The following SLC1A2 variants were observed in gnomAD, a reference collection of about 807,000 sequenced individuals.
SLC1A2 encodes excitatory amino acid transporter 2.
A neutral mutation model predicts 48.8 loss-of-function variants in SLC1A2; 15 were observed. That is an observed-to-expected ratio of 0.31 (90% CI 0.21 to 0.47). The LOEUF (loss-of-function observed/expected upper bound fraction) is 0.47, where lower values mean the gene tolerates loss of function less well. Ranked by LOEUF, SLC1A2 falls within the 20% of genes least tolerant of loss-of-function variation. The pLI, the probability that SLC1A2 is intolerant of heterozygous loss-of-function variation, is 0.99. For synonymous variants in SLC1A2, 279 were observed against 272.6 expected (o/e 1.02, Z -0.23); for missense variants, 502 against 730.5 (o/e 0.69, Z 3.61).
chr11:35,267,584 A>G (rs1188513225), intron 9 of SLC1A2, among the ~76,000 whole-genome samples: 1 of 152,144 alleles, frequency 6.6e-6, no homozygotes, highest in East Asian at 1.9e-4. Flanking sequence ...CATTAACCCT[A>G]TTTAATAGCA....
At chr11:35,384,947 T>G (rs1262091694) in intron 1 of SLC1A2, among the ~76,000 whole-genome samples, 4 of 152,244 alleles carry the variant, frequency 2.6e-5, no homozygotes, top group African/African-American at 9.6e-5. Context: ...AGTAACCATC[T>G]GCCTAAATAT....
intron 1 of SLC1A2, among the ~76,000 whole-genome samples, chr11:35,372,892 T>C (rs1426020841): frequency 1.3e-5 from 2 of 152,230 alleles, no homozygotes; most frequent in African/African-American, 4.8e-5. Flanking sequence ...GTGAGGTTGG[T>C]ATTTTTAAGG....
chr11:35,373,572 G>A (rs567115309), intron 1 of SLC1A2, among the ~76,000 whole-genome samples: 3 of 152,284 alleles, frequency 2.0e-5, no homozygotes, highest in Admixed American at 6.5e-5. Context: ...AAGTGGGAAC[G>A]CAGGAAAGAC....
At position 35,262,953 on chromosome 11, in the gene SLC1A2, C is replaced by T. The variant is rs566981779; in HGVS notation, c.1654-1988G>A. Reference sequence around the variant, plus strand: ...GAGCCACTATCTCTATGGAACTGTCCAGCAAAAAGGTTACCTAAAACACAG... The same window carrying T: ...GAGCCACTATCTCTATGGAACTGTCTAGCAAAAAGGTTACCTAAAACACAG... On this transcript the variant is annotated intron_variant, in intron 10 of 10. Coordinates refer to ENST00000278379, the MANE Select transcript of SLC1A2 (RefSeq NM_004171.4). Among the ~76,000 whole-genome samples the T allele has an allele frequency of 6.6e-5, 10 of 152,192 alleles. No individual in the cohort carries two copies. In the Middle Eastern group the frequency reaches 0.01, roughly 155 times the overall value.
intron 1 of SLC1A2, among the ~76,000 whole-genome samples, chr11:35,339,491 A>G (rs1409431697): frequency 6.6e-6 from 1 of 152,204 alleles, no homozygotes; most frequent in East Asian, 1.9e-4. Context: ...GTGTGGCTCA[A>G]TGTTACACCT....
At chr11:35,377,790 AT>A (rs1286728456) in intron 1 of SLC1A2, among the ~76,000 whole-genome samples, 1 of 152,236 alleles carries the variant, frequency 6.6e-6, no homozygotes, top group Non-Finnish European at 1.5e-5. Flanking sequence ...AATCCAGATA[AT>A]TCAGACCCTG....
chr11:35,339,550 C>G (rs1852762275), intron 1 of SLC1A2, among the ~76,000 whole-genome samples: 1 of 152,128 alleles, frequency 6.6e-6, no homozygotes, highest in Admixed American at 6.5e-5. Context: ...AGATAGGGAT[C>G]CTGGTGACTC....
intron 7 of SLC1A2, 105 bp from the exon 8 acceptor site, chr11:35,287,056 G>C: frequency 1.1e-6 from 1 of 903,350 alleles, no homozygotes; most frequent in Non-Finnish European, 1.7e-6. Flanking sequence ...CTTGTTTTGT[G>C]TCAATCAAGC....
chr11:35,311,606 C>G (rs1377417574), intron 4 of SLC1A2, among the ~76,000 whole-genome samples: 1 of 152,124 alleles, frequency 6.6e-6, no homozygotes, highest in Non-Finnish European at 1.5e-5. Flanking sequence ...TCTATACTTT[C>G]TAAAATTTTC....
rs987470272 is a variant in SLC1A2, at chr11:35,258,259, GA to G, written c.*2634del. 6 of 152,110 alleles carry G rather than the reference GA, an allele frequency of 3.9e-5. No individual in the cohort carries two copies. The highest frequency in any genetic ancestry group is 1.2e-4 in the African/African-American group (5 of 41,402). The allele number at this position is 152,110 out of a possible 1,614,324, so 9.4% of individuals were successfully genotyped here. A position where few individuals can be genotyped will look rare whatever the true frequency, so the allele number is the denominator to read the frequency against. ...TGTGATTTTCTAAGTATATTCTCAC[GA>G]GACTTCCTGCACACAGTAAGTCTCA... On this transcript the variant is annotated 3_prime_UTR_variant, in exon 11 of 11. Coordinates refer to ENST00000278379, the MANE Select transcript of SLC1A2 (RefSeq NM_004171.4).
At chr11:35,317,938 T>G (rs1181487638) in intron 1 of SLC1A2, among the ~76,000 whole-genome samples, 1 of 152,230 alleles carries the variant, frequency 6.6e-6, no homozygotes, top group Non-Finnish European at 1.5e-5. Flanking sequence ...AGAGTCATAC[T>G]TGAGTTACAT....
intron 1 of SLC1A2, among the ~76,000 whole-genome samples, chr11:35,356,736 G>C (rs1853483929): frequency 6.6e-6 from 1 of 152,102 alleles, no homozygotes; most frequent in African/African-American, 2.4e-5. Flanking sequence ...AATTTAGAGA[G>C]AATATTAAGA....
intron 1 of SLC1A2, among the ~76,000 whole-genome samples, chr11:35,375,086 C>T (rs1456888031): frequency 6.6e-6 from 1 of 152,170 alleles, no homozygotes; most frequent in African/African-American, 2.4e-5. Flanking sequence ...CTATTTTACA[C>T]ATTAAGTGAG....
At chr11:35,393,798 G>C (rs928658146) in intron 1 of SLC1A2, among the ~76,000 whole-genome samples, 3 of 152,144 alleles carry the variant, frequency 2.0e-5, no homozygotes, top group Non-Finnish European at 2.9e-5. Context: ...AATCAATAAA[G>C]CAAGTGTCTT....
intron 7 of SLC1A2, among the ~76,000 whole-genome samples, chr11:35,289,069 G>C (rs74787428): frequency 6.6e-6 from 1 of 152,176 alleles, no homozygotes; most frequent in African/African-American, 2.4e-5. Context: ...AATAATAACT[G>C]TCAGATATTT....
chr11:35,274,167 GA>G (rs1350800494), intron 9 of SLC1A2, among the ~76,000 whole-genome samples: 1 of 152,246 alleles, frequency 6.6e-6, no homozygotes, highest in Non-Finnish European at 1.5e-5. Flanking sequence ...AACAGTCGAT[GA>G]AGGGGAGACG....
rs557886257 is a variant in SLC1A2 at position 35,251,576 on chromosome 11, GT to G, written c.*9317del. On this transcript the variant is annotated 3_prime_UTR_variant, in exon 11 of 11. Coordinates refer to ENST00000278379, the MANE Select transcript of SLC1A2 (RefSeq NM_004171.4). ...ATTGTGAATGTGAGGAATACAATTA[GT>G]TTTATCTTTTGTTCTGGACATACAA... The G allele has an allele frequency of 2.1e-3, 323 of 152,512 alleles. 3 individuals carry two copies. The highest frequency in any genetic ancestry group is 7.1e-3 in the African/African-American group (296 of 41,568). The allele number at this position is 152,512 out of a possible 1,614,324, so 9.4% of individuals were successfully genotyped here.
At chr11:35,283,466 T>C (rs1447066096) in intron 8 of SLC1A2, among the ~76,000 whole-genome samples, 1 of 152,094 alleles carries the variant, frequency 6.6e-6, no homozygotes, top group Non-Finnish European at 1.5e-5. Flanking sequence ...GGGCCAGAGA[T>C]TTAAATGCAT....
At chr11:35,375,094 GA>G (rs1209637326) in intron 1 of SLC1A2, among the ~76,000 whole-genome samples, 18 of 152,298 alleles carry the variant, frequency 1.2e-4, no homozygotes, top group Admixed American at 2.6e-4. Context: ...CACATTAAGT[GA>G]GGACTTACTG....
Sources: allele counts gnomAD v4.1 joint callset (sites outside exome capture counted in the v4.1 genomes callset), GRCh38; gene constraint gnomAD v4.1.1; transcripts MANE v1.5; gene names NCBI Gene and HGNC (gene_info 2026-07-23, HGNC 2026-07-21).